ZNF501: variants seen among roughly 807,000 people sequenced by gnomAD.
ZNF501 encodes the protein zinc finger protein 501.
ZNF501 carries 7 observed loss-of-function variants against 5.7 expected under a neutral mutation model. The ratio of observed to expected loss-of-function variants is 1.24; its 90% CI spans 0.70 to 2.32. ZNF501 has a LOEUF of 2.32. ZNF501 is among the 30% of genes most tolerant of loss of function. ZNF501 has a pLI of 0.00. For missense variants in ZNF501, 352 were observed against 321.1 expected, an observed-to-expected ratio of 1.10 and a Z score of -0.73; for synonymous variants, 107 against 101.9, an observed-to-expected ratio of 1.05 and a Z score of -0.30.
At chr3:44,732,132 A>G (rs780249721) in intron 2 of ZNF501, 4 of 152,252 alleles carry the variant, frequency 2.6e-5, no homozygotes, top group Non-Finnish European at 5.9e-5. Context: ...TGAAGAGAAT[A>G]TGACTGTGTC....
intron 2 of ZNF501, among the ~76,000 whole-genome samples, chr3:44,732,663 G>A (rs2125873645): frequency 6.6e-6 from 1 of 152,112 alleles, no homozygotes; most frequent in South Asian, 2.1e-4. Flanking sequence ...TTTTTTAGTG[G>A]GAAATAAAAG....
rs532504912 is a variant in ZNF501 at position 44,736,785 on chromosome 3, G to A, written c.*1548G>A. 6.0e-6 allele frequency: 1 copy of A among 167,062 alleles called. No homozygotes were observed. Among genetic ancestry groups the A allele is most frequent in the African/African-American group, 2.4e-5 (1 of 41,542 alleles). The allele number at this position is 167,062 out of a possible 1,614,324, so 10.3% of individuals were successfully genotyped here. A position where few individuals can be genotyped will look rare whatever the true frequency, so the allele number is the denominator to read the frequency against. ...TTGCCATCTGTATAGCTTTGGTGAG[G>A]TATCTGTTAGAGGTTTTGCCCATTT... is the stretch of plus-strand genomic sequence containing the variant. On this transcript the variant is annotated 3_prime_UTR_variant, in exon 3 of 3. Transcript: ENST00000620116.
In ZNF501 at chr3:44,734,609, C is replaced by G; in HGVS notation, c.188C>G (p.Ser63Ter). 1 of 1,614,124 alleles carries G rather than the reference C, an allele frequency of 6.2e-7. No individual in the cohort carries two copies. Among genetic ancestry groups the G allele is most frequent in the South Asian group, 1.1e-5 (1 of 91,058 alleles). Reference protein sequence around the residue: ...SECGSCFRKQSNLTQHLRIHT... With the variant: ...SECGSCFRKQ The stretch of plus-strand genomic sequence containing the variant: ...TGTGGAAGTTGTTTCCGTAAACAGT[C>G]AAATCTTACTCAACATCTGAGAATT... Residue 63 changes from serine to a stop codon, truncating the protein, a stop_gained, in exon 3 of 3, where the codon TCA becomes TGA. Transcript: ENST00000620116. LOFTEE classifies it high-confidence loss of function.
At position 44,735,611 on chromosome 3, in the gene ZNF501, A is replaced by C. The variant is rs375975679; in HGVS notation, c.*374A>C. The C allele has an allele frequency of 7.7e-5, 14 of 181,840 alleles. No individual in the cohort carries two copies. In the South Asian group the frequency reaches 2.4e-3, roughly 31 times the overall value. The allele number at this position is 181,840 out of a possible 1,614,324, so 11.3% of individuals were successfully genotyped here. A position where few individuals can be genotyped will look rare whatever the true frequency, so the allele number is the denominator to read the frequency against. ...AAATCAGCATTGTTGTTTGGTTCTC[A>C]TAATGTATTGTTTCTTAAGAACATT... On this transcript the variant is annotated 3_prime_UTR_variant, in exon 3 of 3. Coordinates refer to ENST00000620116, the MANE Select transcript of ZNF501 (RefSeq NM_001258280.2).
chr3:44,736,247 T>C lies in ZNF501; in HGVS notation c.*1010T>C, dbSNP rs1482641518. 1.2e-5 allele frequency: 2 copies of C among 167,032 alleles called. No homozygotes were observed. Among genetic ancestry groups the C allele is most frequent in the African/African-American group, 4.8e-5 (2 of 41,432 alleles). 10.3% of individuals were successfully genotyped at this position (167,032 alleles called of 1,614,324 possible). A position where few individuals can be genotyped will look rare whatever the true frequency, so the allele number is the denominator to read the frequency against. ...GTGCCTAATGGCTCATTAAAAGCCA[T>C]GAAAAAGCAAAGAAATCAAAGAATA... On this transcript the variant is annotated 3_prime_UTR_variant, in exon 3 of 3. Coordinates refer to ENST00000620116, the MANE Select transcript of ZNF501 (RefSeq NM_001258280.2).
chr3:44,732,516 T>C (rs1444418093), intron 2 of ZNF501, among the ~76,000 whole-genome samples: 1 of 152,242 alleles, frequency 6.6e-6, no homozygotes, highest in Non-Finnish European at 1.5e-5. Flanking sequence ...AGTCCACATA[T>C]TTAACAAACA....
rs1704700486 is a variant in ZNF501 at position 44,736,371 on chromosome 3, C to T, written c.*1134C>T. The T allele has an allele frequency of 6.0e-6, 1 of 167,064 alleles. No homozygotes were observed. Among genetic ancestry groups the T allele is most frequent in the Non-Finnish European group, 1.5e-5 (1 of 68,112 alleles). 10.3% of individuals were successfully genotyped at this position (167,064 alleles called of 1,614,324 possible). ...CAAGAAAGGTAGGAGTTACTATTCACATCCTAGAGTCAAGGAAAAAGAGAA... is the reference window on the plus strand; with the variant it reads ...CAAGAAAGGTAGGAGTTACTATTCATATCCTAGAGTCAAGGAAAAAGAGAA... On this transcript the variant is annotated 3_prime_UTR_variant, in exon 3 of 3. Coordinates refer to ENST00000620116, the MANE Select transcript of ZNF501 (RefSeq NM_001258280.2).
intron 2 of ZNF501, among the ~76,000 whole-genome samples, chr3:44,732,579 T>A (rs781532040): frequency 2.6e-5 from 4 of 152,206 alleles, no homozygotes; most frequent in African/African-American, 9.6e-5. Context: ...TGTACAGATA[T>A]AGCAGTGTGT....
In ZNF501 at chr3:44,736,111, G is replaced by A. The variant is rs1704694569; in HGVS notation, c.*874G>A. The A allele has an allele frequency of 6.0e-6, 1 of 167,078 alleles. No individual in the cohort carries two copies. Among genetic ancestry groups the A allele is most frequent in the African/African-American group, 2.4e-5 (1 of 41,418 alleles). 10.3% of individuals were successfully genotyped at this position (167,078 alleles called of 1,614,324 possible). ...AATGTGGTCTCTTAAGGGAAGATGA[G>A]GGTAGAAGATGTTAAGATCCCAGGT... On this transcript the variant is annotated 3_prime_UTR_variant, in exon 3 of 3. Transcript: ENST00000620116.
Position 44,735,314 on chromosome 3 carries a change from A to T in ZNF501, c.*77A>T, listed in dbSNP as rs1188011086. Reference sequence around the variant, plus strand: ...TCTCCTAAATTCCTAGGAATGTAAGACTCAATCTGTAGCTAGTATGAATAT... The same window carrying T: ...TCTCCTAAATTCCTAGGAATGTAAGTCTCAATCTGTAGCTAGTATGAATAT... On this transcript the variant is annotated 3_prime_UTR_variant, in exon 3 of 3. Coordinates refer to ENST00000620116, the MANE Select transcript of ZNF501 (RefSeq NM_001258280.2). The T allele has an allele frequency of 4.1e-6, 5 of 1,225,374 alleles. No individual in the cohort carries two copies. Among genetic ancestry groups the T allele is most frequent in the Non-Finnish European group, 5.7e-6 (5 of 879,338 alleles). 75.9% of individuals were successfully genotyped at this position (1,225,374 alleles called of 1,614,324 possible).
chr3:44,734,582 A>T lies in ZNF501; in HGVS notation c.161A>T (p.Glu54Val). 1 of 1,614,198 alleles carries T rather than the reference A, an allele frequency of 6.2e-7. No homozygotes were observed. The highest frequency in any genetic ancestry group is 8.5e-7 in the Non-Finnish European group (1 of 1,180,026). Reference protein sequence around the residue: ...HRGEKPYVCSECGSCFRKQSN... With the variant: ...HRGEKPYVCSVCGSCFRKQSN... ...GGAGAGAAGCCCTATGTGTGCAGTG[A>T]ATGTGGAAGTTGTTTCCGTAAACAG... The change falls in exon 3 of 3, where the codon GAA (glutamate) becomes GTA (valine). Residue 54 changes from glutamate (E) to valine (V), a missense_variant. Glu to Val is a moderately radical substitution (Grantham distance 121). Coordinates refer to ENST00000620116, the MANE Select transcript of ZNF501 (RefSeq NM_001258280.2).
At position 44,735,187 on chromosome 3, in the gene ZNF501, A is replaced by G; in HGVS notation, c.766A>G (p.Arg256Gly). 6.2e-7 allele frequency: 1 copy of G among 1,608,316 alleles called. No homozygotes were observed. The highest frequency in any genetic ancestry group is 8.5e-7 in the Non-Finnish European group (1 of 1,176,466). Residue 256 changes from arginine (R) to glycine (G), a missense_variant, in exon 3 of 3, where the codon AGG becomes GGG. Physicochemically the swap from Arg to Gly is moderately radical, Grantham distance 125. Coordinates refer to ENST00000620116, the MANE Select transcript of ZNF501 (RefSeq NM_001258280.2). ...GTGTGTTGGATGTGGGAAATCCTTT[A>G]GGCACAGTTCAGCACTTCTTCGACA... ...YECVGCGKSFRHSSALLRHQR... is the reference protein window; with the variant it reads ...YECVGCGKSFGHSSALLRHQR...
chr3:44,730,789 T>C (rs1704601643), intron 1 of ZNF501, among the ~76,000 whole-genome samples: 1 of 152,234 alleles, frequency 6.6e-6, no homozygotes, highest in African/African-American at 2.4e-5. Flanking sequence ...ACAGGAAGTT[T>C]CCCTGCTGTT....
In ZNF501 at chr3:44,734,489, A is replaced by C. The variant is rs1704661181; in HGVS notation, c.68A>C (p.Lys23Thr). ...GRVNMQKKPS[K>T]CSECGKFFTQ... ...GTTAACATGCAGAAGAAACCTTCAA[A>C]GTGTAGTGAATGTGGGAAGTTCTTT... Residue 23 changes from lysine (K) to threonine (T), a missense_variant, in exon 3 of 3, where the codon AAG becomes ACG. By Grantham distance (78) the Lys-to-Thr change is moderately conservative. Coordinates refer to ENST00000620116, the MANE Select transcript of ZNF501 (RefSeq NM_001258280.2). 6.2e-7 allele frequency: 1 copy of C among 1,614,200 alleles called. No homozygotes were observed. The highest frequency in any genetic ancestry group is 8.5e-7 in the Non-Finnish European group (1 of 1,180,012).
chr3:44,734,753 G>A lies in ZNF501; in HGVS notation c.332G>A (p.Cys111Tyr). The change falls in exon 3 of 3, where the codon TGT becomes TAT. Residue 111 changes from cysteine (C) to tyrosine (Y), a missense_variant. Transcript: ENST00000620116. Reference protein sequence around the residue: ...TGEKPYKCNECGKAFCQSPSL... With the variant: ...TGEKPYKCNEYGKAFCQSPSL... ...GAGAAACCCTATAAATGCAATGAAT[G>A]TGGAAAAGCCTTTTGTCAGAGCCCA... is the stretch of plus-strand genomic sequence containing the variant. 6.2e-7 allele frequency: 1 copy of A among 1,614,072 alleles called. No homozygotes were observed. The highest frequency in any genetic ancestry group is 8.5e-7 in the Non-Finnish European group (1 of 1,179,984).
rs1704675556 is a variant in ZNF501, at chr3:44,735,111, A to C, written c.690A>C (p.Gln230His). The C allele has an allele frequency of 6.2e-7, 1 of 1,614,228 alleles. No individual in the cohort carries two copies. The highest frequency in any genetic ancestry group is 2.2e-5 in the East Asian group (1 of 44,880). Residue 230 changes from glutamine (Q) to histidine (H), a missense_variant, in exon 3 of 3, where the codon CAA (glutamine) becomes CAC (histidine). Gln to His is a conservative substitution (Grantham distance 24). Coordinates refer to ENST00000620116, the MANE Select transcript of ZNF501 (RefSeq NM_001258280.2). ...AGTGTGAAAAAACTTTCCGCAAACA[A>C]GCACACCTTAGTGAGCATTACAGAA... ...CSECEKTFRKQAHLSEHYRIH... is the reference protein window; with the variant it reads ...CSECEKTFRKHAHLSEHYRIH...
rs1316519553 is a variant in ZNF501, at chr3:44,736,656, C to T, written c.*1419C>T. 1 of 166,926 alleles carries T rather than the reference C, an allele frequency of 6.0e-6. No individual in the cohort carries two copies. Among genetic ancestry groups the T allele is most frequent in the Non-Finnish European group, 1.5e-5 (1 of 68,082 alleles). 10.3% of individuals were successfully genotyped at this position (166,926 alleles called of 1,614,324 possible). A position where few individuals can be genotyped will look rare whatever the true frequency, so the allele number is the denominator to read the frequency against. On this transcript the variant is annotated 3_prime_UTR_variant, in exon 3 of 3. Transcript: ENST00000620116. ...TGCTGGGATTACAGGTGTGAGTCAC[C>T]ACATCTGGTCGGATTTTAACTATTC...
chr3:44,734,757 A>G lies in ZNF501; in HGVS notation c.336A>G (p.Gly112=). Residue 112 remains glycine, a synonymous_variant, in exon 3 of 3, where the codon GGA becomes GGG. Transcript: ENST00000620116. ...GEKPYKCNEC[G]KAFCQSPSLI... is the part of the protein sequence containing the mutation. Reference sequence around the variant, plus strand: ...AACCCTATAAATGCAATGAATGTGGAAAAGCCTTTTGTCAGAGCCCATCCC... The same window carrying G: ...AACCCTATAAATGCAATGAATGTGGGAAAGCCTTTTGTCAGAGCCCATCCC... 1.2e-6 allele frequency: 2 copies of G among 1,614,010 alleles called. No individual in the cohort carries two copies. The highest frequency in any genetic ancestry group is 1.7e-6 in the Non-Finnish European group (2 of 1,179,972).
At position 44,735,059 on chromosome 3, in the gene ZNF501, C is replaced by G. The variant is rs1704674113; in HGVS notation, c.638C>G (p.Thr213Ser). 3 of 1,614,156 alleles carry G rather than the reference C, an allele frequency of 1.9e-6. No homozygotes were observed. Among genetic ancestry groups the G allele is most frequent in the Admixed American group, 1.7e-5 (1 of 60,024 alleles). Residue 213 changes from threonine (T) to serine (S), a missense_variant, in exon 3 of 3, where the codon ACT (threonine) becomes AGT (serine). By Grantham distance (58) the Thr-to-Ser change is moderately conservative. Transcript: ENST00000620116. ...CTTGTTGAACATGAAAGGACTCACA[C>G]TGGAGAGAAACTTTATAAGTGTAGT... ...SSLVEHERTH[T>S]GEKLYKCSEC...
Sources: allele counts gnomAD v4.1 joint callset (sites outside exome capture counted in the v4.1 genomes callset), GRCh38; gene constraint gnomAD v4.1.1; transcripts MANE v1.5; gene names NCBI Gene and HGNC (gene_info 2026-07-23, HGNC 2026-07-21).